Variants in NRXN1 observed in about 807,000 individuals in gnomAD.
NRXN1 encodes neurexin-1.
Under a neutral mutation model 150.9 loss-of-function variants are expected in NRXN1, and 39 were observed. The ratio of observed to expected loss-of-function variants is 0.26; its 90% confidence interval spans 0.20 to 0.34. The LOEUF (loss-of-function observed/expected upper bound fraction) is 0.34. Ranked by LOEUF, NRXN1 falls within the 10% of genes least tolerant of loss-of-function variation. NRXN1 has a pLI of 1.00. For missense variants in NRXN1, 1,815 were observed against 1,949.9 expected, an observed-to-expected ratio of 0.93 and a Z score of 1.30; for synonymous variants, 924 against 757.0, an observed-to-expected ratio of 1.22 and a Z score of -3.62.
chr2:50,015,877 A>G (rs759707318), intron 21 of NRXN1, among the ~76,000 whole-genome samples: 36 of 152,194 alleles, frequency 2.4e-4, no homozygotes, highest in Non-Finnish European at 2.8e-4. Flanking sequence ...GGATAAAACT[A>G]TCTTGCAGGA....
At chr2:50,349,463 T>C (rs930305907) in intron 17 of NRXN1, among the ~76,000 whole-genome samples, 2 of 152,188 alleles carry the variant, frequency 1.3e-5, no homozygotes, top group African/African-American at 4.8e-5. Flanking sequence ...CCACACAGTA[T>C]GTTTTCAGGA....
intron 5 of NRXN1, among the ~76,000 whole-genome samples, chr2:50,780,127 A>C (rs766451871): frequency 6.6e-6 from 1 of 152,284 alleles, no homozygotes; most frequent in Middle Eastern, 3.4e-3. Flanking sequence ...AGCGATGATT[A>C]GCTTTTTTTC....
intron 5 of NRXN1, among the ~76,000 whole-genome samples, chr2:50,875,947 G>C (rs1678528385): frequency 6.6e-6 from 1 of 151,940 alleles, no homozygotes; most frequent in Non-Finnish European, 1.5e-5. Flanking sequence ...CAAGTTCTAA[G>C]CAGACAGCTT....
At chr2:50,793,315 G>A (rs1051491016) in intron 5 of NRXN1, among the ~76,000 whole-genome samples, 29 of 152,086 alleles carry the variant, frequency 1.9e-4, no homozygotes, top group Admixed American at 1.9e-3. Flanking sequence ...GGATAAAACA[G>A]AGGGCTTATA....
intron 17 of NRXN1, among the ~76,000 whole-genome samples, chr2:50,386,475 T>C (rs1183597421): frequency 6.6e-6 from 1 of 151,780 alleles, no homozygotes; most frequent in Non-Finnish European, 1.5e-5. Flanking sequence ...AATTGAGCGG[T>C]TGTCTTTTTT....
chr2:50,409,213 C>T (rs1330403901), intron 17 of NRXN1, among the ~76,000 whole-genome samples: 1 of 152,190 alleles, frequency 6.6e-6, no homozygotes, highest in African/African-American at 2.4e-5. Context: ...CTTATTAGCT[C>T]ATGAAGCTCA....
chr2:50,100,938 T>G (rs1370001615), intron 18 of NRXN1, among the ~76,000 whole-genome samples: 1 of 152,036 alleles, frequency 6.6e-6, no homozygotes, highest in Admixed American at 6.6e-5. Flanking sequence ...CTTCTTAATT[T>G]TTCACAGGTA....
chr2:50,609,164 C>G (rs527442514), intron 8 of NRXN1, among the ~76,000 whole-genome samples: 61 of 152,062 alleles, frequency 4.0e-4, no homozygotes, highest in Non-Finnish European at 7.5e-4. Flanking sequence ...TCTCACAAAG[C>G]TCTTAGAACA....
chr2:50,811,707 G>C (rs1359829950), intron 5 of NRXN1, among the ~76,000 whole-genome samples: 1 of 152,168 alleles, frequency 6.6e-6, no homozygotes, highest in South Asian at 2.1e-4. Context: ...TAAAGCAACT[G>C]TAGTGCCTTG....
At chr2:49,943,941 T>A in intron 21 of NRXN1, 150 bp from the exon 22 acceptor site, 1 of 699,888 alleles carries the variant, frequency 1.4e-6, no homozygotes, top group South Asian at 1.6e-5. Context: ...ACATTTTAGA[T>A]CCTTCATAGA....
chr2:50,921,952 CAAT>C (rs1686106521), intron 4 of NRXN1, 72 bp from the exon 5 acceptor site: 2 of 844,654 alleles, frequency 2.4e-6, no homozygotes, highest in South Asian at 2.7e-5. Context: ...AGAAAAACAA[CAAT>C]AAGTATTATG....
chr2:50,313,536 G>C (rs79523699), intron 17 of NRXN1, among the ~76,000 whole-genome samples: 4,465 of 152,092 alleles, frequency 0.029, 223 homozygotes, highest in African/African-American at 0.1. Context: ...GCAAGCATTA[G>C]ACCCCGTAGA....
intron 5 of NRXN1, among the ~76,000 whole-genome samples, chr2:50,837,984 T>C (rs567394743): frequency 1.5e-4 from 23 of 152,292 alleles, no homozygotes; most frequent in African/African-American, 4.3e-4. Context: ...TCTGCATTGC[T>C]GGCCTCATAA....
At chr2:50,059,064 C>G (rs1694083041) in intron 19 of NRXN1, among the ~76,000 whole-genome samples, 2 of 152,040 alleles carry the variant, frequency 1.3e-5, no homozygotes, top group African/African-American at 4.8e-5. Context: ...GGGTAACAGG[C>G]AGAGGATGTA....
chr2:50,872,664 A>T (rs1473998416), intron 5 of NRXN1, among the ~76,000 whole-genome samples: 1 of 151,762 alleles, frequency 6.6e-6, no homozygotes, highest in African/African-American at 2.4e-5. Flanking sequence ...TACACCTGAA[A>T]ATCTCAGGCC....
chr2:50,638,056 T>C (rs868194952), intron 5 of NRXN1, among the ~76,000 whole-genome samples: 1 of 152,086 alleles, frequency 6.6e-6, no homozygotes, highest in African/African-American at 2.4e-5. Flanking sequence ...ATTATAAACT[T>C]TATAGTTGGA....
intron 18 of NRXN1, among the ~76,000 whole-genome samples, chr2:50,098,015 C>G (rs1700470496): frequency 6.6e-6 from 1 of 151,954 alleles, no homozygotes; most frequent in Non-Finnish European, 1.5e-5. Context: ...TTTAGATGGC[C>G]TATAATGGTA....
At chr2:50,408,397 G>A (rs2082904135) in intron 17 of NRXN1, among the ~76,000 whole-genome samples, 1 of 152,206 alleles carries the variant, frequency 6.6e-6, no homozygotes, top group African/African-American at 2.4e-5. Flanking sequence ...TTTTGCCAGT[G>A]AGGGAATTTT....
At chr2:50,077,962 A>T (rs1005517637) in intron 19 of NRXN1, among the ~76,000 whole-genome samples, 1 of 152,060 alleles carries the variant, frequency 6.6e-6, no homozygotes, top group Non-Finnish European at 1.5e-5. Flanking sequence ...TAAAAACAAA[A>T]CAGACTTTAA....
Sources: allele counts gnomAD v4.1 joint callset (sites outside exome capture counted in the v4.1 genomes callset), GRCh38; gene constraint gnomAD v4.1.1; transcripts MANE v1.5; gene names NCBI Gene and HGNC (gene_info 2026-07-23, HGNC 2026-07-21).